The following CUX1 variants were observed in gnomAD, a reference collection of about 807,000 sequenced individuals.
CUX1 encodes the protein cut like homeobox 1.
CUX1 carries 31 observed loss-of-function variants against 158.8 expected under a neutral mutation model. The observed-to-expected ratio is 0.20, with a 90% CI of 0.15 to 0.26. CUX1 has a LOEUF of 0.26. CUX1 is among the 10% of genes least tolerant of loss of function. The pLI, the probability that CUX1 is intolerant of heterozygous loss-of-function variation, is 1.00. For missense variants in CUX1, 1,589 were observed against 2,014.6 expected (o/e 0.79, Z 4.04); for synonymous variants, 879 against 862.1 (o/e 1.02, Z -0.34).
chr7:102,032,937 A>G (rs1168560674), intron 3 of CUX1, among the ~76,000 whole-genome samples: 3 of 152,150 alleles, frequency 2.0e-5, no homozygotes, highest in Non-Finnish European at 4.4e-5. Flanking sequence ...CATACCCTCT[A>G]GGAAAATGCT....
chr7:102,169,310 C>G lies in CUX1; in HGVS notation c.724-1136C>G, dbSNP rs544731949. Among the ~76,000 whole-genome samples, 11 of 152,022 alleles carry G rather than the reference C, an allele frequency of 7.2e-5. No individual in the cohort carries two copies. The South Asian group carries it at 2.3e-3, about 31-fold the overall frequency. On this transcript the variant is annotated intron_variant, in intron 9 of 23. Coordinates refer to ENST00000292535, the MANE Select transcript of CUX1 (RefSeq NM_181552.4). ...TCTCGAACCCCTGACCTCACATGATCCACCCGCCTCGGCTTCCCAAAGTGC... is the reference window on the plus strand; with the variant it reads ...TCTCGAACCCCTGACCTCACATGATGCACCCGCCTCGGCTTCCCAAAGTGC...
intron 2 of CUX1, among the ~76,000 whole-genome samples, chr7:101,951,829 A>G (rs964930827): frequency 3.9e-5 from 6 of 152,254 alleles, no homozygotes; most frequent in Non-Finnish European, 7.3e-5. Flanking sequence ...TCATTAGCCT[A>G]CAGCAGGGAT....
chr7:101,854,605 C>A (rs796412032), intron 1 of CUX1, among the ~76,000 whole-genome samples: 2 of 152,322 alleles, frequency 1.3e-5, no homozygotes, highest in African/African-American at 4.8e-5. Flanking sequence ...CTAACAGTTG[C>A]CTCCTCCGAT....
At chr7:101,915,920 C>T (rs938464573) in intron 1 of CUX1, among the ~76,000 whole-genome samples, 195 bp from the exon 2 acceptor site, 1 of 152,042 alleles carries the variant, frequency 6.6e-6, no homozygotes, top group Non-Finnish European at 1.5e-5. Flanking sequence ...TCACATGGGA[C>T]GGACGTGGGA....
At chr7:101,976,291 G>A (rs1006954690) in intron 2 of CUX1, among the ~76,000 whole-genome samples, 1 of 152,044 alleles carries the variant, frequency 6.6e-6, no homozygotes, top group African/African-American at 2.4e-5. Context: ...TTTTTGAATC[G>A]ACAACAGTTT....
chr7:102,211,568 G>A lies in CUX1; in HGVS notation c.3130+6398G>A, dbSNP rs1026763894. ...GGCCGAGGCAGGTGCATCACCTGACGTCAGGAGTTCGAGACCAGCCTGGCC... is the reference window on the plus strand; with the variant it reads ...GGCCGAGGCAGGTGCATCACCTGACATCAGGAGTTCGAGACCAGCCTGGCC... On this transcript the variant is annotated intron_variant, in intron 20 of 23. Coordinates refer to ENST00000292535, the MANE Select transcript of CUX1 (RefSeq NM_181552.4). Among the ~76,000 whole-genome samples, 10 of 152,082 alleles carry A rather than the reference G, an allele frequency of 6.6e-5. 1 individual carries two copies. Among genetic ancestry groups the A allele is most frequent in the Admixed American group, 5.2e-4 (8 of 15,270 alleles).
Position 102,283,060 on chromosome 7 carries a change from C to CG in CUX1, c.2011dup (p.Ala671GlyfsTer5). 1 of 1,613,566 alleles carries CG rather than the reference C, an allele frequency of 6.2e-7. No homozygotes were observed. The highest frequency in any genetic ancestry group is 1.1e-5 in the South Asian group (1 of 91,044). ...TGCACAAGTTCCACGAGAATGACAA[C>CG]GGGGCTGCGGCTGGTGACTTGTGGC... On this transcript the variant is annotated frameshift_variant, in exon 23 of 23. Coordinates refer to the CUX1 transcript ENST00000292538. LOFTEE classifies it high-confidence loss of function.
intron 2 of CUX1, among the ~76,000 whole-genome samples, chr7:101,990,457 A>G (rs974442119): frequency 1.3e-5 from 2 of 151,750 alleles, no homozygotes; most frequent in Non-Finnish European, 2.9e-5. Context: ...GTTCACTGCA[A>G]CCTCCGCCTC....
intron 1 of CUX1, among the ~76,000 whole-genome samples, chr7:101,836,052 G>A (rs558233152): frequency 8.5e-5 from 13 of 152,308 alleles, no homozygotes; most frequent in Middle Eastern, 3.4e-3. Flanking sequence ...TAAAATGTAC[G>A]ATTAAATTAT....
At chr7:101,850,217 C>T (rs1216582907) in intron 1 of CUX1, among the ~76,000 whole-genome samples, 1 of 151,914 alleles carries the variant, frequency 6.6e-6, no homozygotes, top group East Asian at 1.9e-4. Context: ...AGCCACCATG[C>T]CTGGTTTATT....
chr7:101,908,452 T>TTGTTTGTG, intron 1 of CUX1, among the ~76,000 whole-genome samples: 1 of 22,314 alleles, frequency 4.5e-5, no homozygotes. Flanking sequence ...AGCCTGTTTT[T>TTGTTTGTG]TGTTTGTTTG....
intron 2 of CUX1, among the ~76,000 whole-genome samples, chr7:101,943,996 C>T (rs1563043443): frequency 6.6e-6 from 1 of 151,418 alleles, no homozygotes; most frequent in Non-Finnish European, 1.5e-5. Flanking sequence ...CAACTTGAGC[C>T]GCACACAGGT....
chr7:102,183,224 G>A (rs1398994436), intron 11 of CUX1, among the ~76,000 whole-genome samples: 1 of 152,160 alleles, frequency 6.6e-6, no homozygotes, highest in Non-Finnish European at 1.5e-5. Context: ...ATGTTGGCCA[G>A]GCTGGTCACG....
chr7:102,149,675 C>T (rs1278728794), intron 8 of CUX1, among the ~76,000 whole-genome samples: 1 of 152,144 alleles, frequency 6.6e-6, no homozygotes, highest in Non-Finnish European at 1.5e-5. Context: ...TGCCCTGGCT[C>T]GCATGAGACT....
intron 8 of CUX1, among the ~76,000 whole-genome samples, chr7:102,141,041 C>G (rs1293485536): frequency 6.6e-6 from 1 of 152,076 alleles, no homozygotes; most frequent in African/African-American, 2.4e-5. Context: ...GATTCATGGC[C>G]AAATCCAATG....
intron 1 of CUX1, among the ~76,000 whole-genome samples, chr7:101,820,538 A>C (rs1400977123): frequency 6.6e-6 from 1 of 152,206 alleles, no homozygotes; most frequent in Admixed American, 6.5e-5. Flanking sequence ...AAATTATTGA[A>C]TACATAACTT....
At chr7:101,910,288 A>AG (rs1277413307) in intron 1 of CUX1, among the ~76,000 whole-genome samples, 1 of 152,128 alleles carries the variant, frequency 6.6e-6, no homozygotes, top group Non-Finnish European at 1.5e-5. Context: ...CTGGAACCAC[A>AG]GGCACCCACC....
Position 102,075,067 on chromosome 7 carries a change from C to T in CUX1, c.268+4650C>T, listed in dbSNP as rs564097370. Among the ~76,000 whole-genome samples the T allele has an allele frequency of 4.1e-4, 63 of 152,232 alleles. 1 individual carries two copies. Among genetic ancestry groups the T allele is most frequent in the African/African-American group, 1.4e-3 (58 of 41,532 alleles). ...AGAGATGAGTTTTCACCATGTTGGC[C>T]GGGCTGGTCTCGAACTCCTGACCTC... is the stretch of plus-strand genomic sequence containing the variant. On this transcript the variant is annotated intron_variant, in intron 4 of 23. Transcript: ENST00000292535.
chr7:102,263,449 G>C (rs1410188678), intron 14 of CUX1, among the ~76,000 whole-genome samples: 1 of 150,096 alleles, frequency 6.7e-6, no homozygotes, highest in Non-Finnish European at 1.5e-5. Context: ...AAGTAGCTGG[G>C]ACTACAGGTG....
Sources: allele counts gnomAD v4.1 joint callset (sites outside exome capture counted in the v4.1 genomes callset), GRCh38; gene constraint gnomAD v4.1.1; transcripts MANE v1.5; gene names NCBI Gene and HGNC (gene_info 2026-07-23, HGNC 2026-07-21).